The following ADARB2 variants were observed in gnomAD, a reference collection of about 807,000 sequenced individuals.
ADARB2 encodes the protein adenosine deaminase RNA specific B2 (inactive).
A neutral mutation model predicts 62.2 loss-of-function variants in ADARB2; 25 were observed. That is an observed-to-expected ratio of 0.40 (90% CI 0.29 to 0.56). The LOEUF (loss-of-function observed/expected upper bound fraction) is 0.56. ADARB2 is among the 20% of genes least tolerant of loss of function. The pLI is 0.43. For missense variants in ADARB2, 1,071 were observed against 1,077.4 expected (o/e 0.99, Z 0.08); for synonymous variants, 572 against 500.8 (o/e 1.14, Z -1.90).
intron 6 of ADARB2, among the ~76,000 whole-genome samples, chr10:1,221,955 T>C (rs890338211): frequency 6.6e-6 from 1 of 152,218 alleles, no homozygotes; most frequent in African/African-American, 2.4e-5. Flanking sequence ...CTGGGTCAAA[T>C]GGTATTTCCA....
intron 3 of ADARB2, among the ~76,000 whole-genome samples, chr10:1,312,515 G>A (rs1831701420): frequency 1.3e-5 from 2 of 152,216 alleles, no homozygotes; most frequent in Admixed American, 1.3e-4. Context: ...CGTCTCTCCT[G>A]ATTTCTCATT....
At chr10:1,713,136 G>A (rs912793248) in intron 1 of ADARB2, among the ~76,000 whole-genome samples, 10 of 152,182 alleles carry the variant, frequency 6.6e-5, no homozygotes, top group East Asian at 1.9e-4. Flanking sequence ...GACATGGGGC[G>A]CCTGGAGGGT....
intron 3 of ADARB2, among the ~76,000 whole-genome samples, chr10:1,329,657 C>T (rs1831909554): frequency 6.6e-6 from 1 of 152,212 alleles, no homozygotes. Flanking sequence ...ATTAATCCCT[C>T]CGCCTCCCTG....
chr10:1,617,567 T>G (rs1162619951), intron 1 of ADARB2, among the ~76,000 whole-genome samples: 1 of 148,064 alleles, frequency 6.8e-6, no homozygotes, highest in Non-Finnish European at 1.5e-5. Flanking sequence ...TAGATGTTTG[T>G]GTGCCTCTCC....
chr10:1,359,490 TATC>T (rs1255342966), intron 3 of ADARB2, among the ~76,000 whole-genome samples: 3 of 152,176 alleles, frequency 2.0e-5, no homozygotes, highest in Admixed American at 1.3e-4. Flanking sequence ...TTTATGAAAA[TATC>T]ATGCTTCTGA....
At chr10:1,346,415 G>A (rs1832081614) in intron 3 of ADARB2, among the ~76,000 whole-genome samples, 1 of 152,208 alleles carries the variant, frequency 6.6e-6, no homozygotes, top group Non-Finnish European at 1.5e-5. Flanking sequence ...CCAACTCTGG[G>A]GACCTGAGGT....
rs1029395748 is a variant in ADARB2 at position 1,255,764 on chromosome 10, AG to A, written c.1193-13466del. Among the ~76,000 whole-genome samples, 1 of 152,134 alleles carries A rather than the reference AG, an allele frequency of 6.6e-6. No homozygotes were observed. Among genetic ancestry groups the A allele is most frequent in the Non-Finnish European group, 1.5e-5 (1 of 68,012 alleles). On this transcript the variant is annotated intron_variant, in intron 4 of 9. Coordinates refer to ENST00000381312, the MANE Select transcript of ADARB2 (RefSeq NM_018702.4). The surrounding 1 kb of genome is among the most constrained non-coding windows in gnomAD (Gnocchi z 4.7). ...AGACAGTGTGACCTCATGAGAGTGG[AG>A]GGGATCCCTCCCAAACAGGTCACAC...
chr10:1,647,607 T>C (rs1834060320), intron 1 of ADARB2, among the ~76,000 whole-genome samples: 1 of 152,106 alleles, frequency 6.6e-6, no homozygotes, highest in African/African-American at 2.4e-5. Flanking sequence ...TATGTCTGTG[T>C]GGGGATATGT....
intron 1 of ADARB2, among the ~76,000 whole-genome samples, chr10:1,633,549 C>CATCTATCTATCTATCTATCTAT (rs1833868821): frequency 4.9e-5 from 5 of 101,610 alleles, no homozygotes; most frequent in African/African-American, 1.3e-4. Flanking sequence ...GTCTATCTAT[C>CATCTATCTATCTATCTATCTAT]ATCTATCTAT....
intron 6 of ADARB2, among the ~76,000 whole-genome samples, chr10:1,226,770 A>C (rs897926453): frequency 1.5e-4 from 23 of 152,148 alleles, no homozygotes; most frequent in African/African-American, 5.3e-4. Flanking sequence ...TTCCTCTGGA[A>C]GTTTTGTCTT....
At chr10:1,435,623 C>T (rs72762983) in intron 1 of ADARB2, among the ~76,000 whole-genome samples, 10,269 of 152,258 alleles carry the variant, frequency 0.067, 513 homozygotes, top group East Asian at 0.21. Flanking sequence ...CCTCTCTCTC[C>T]TTCCACTTCC....
chr10:1,328,312 C>T (rs939574177), intron 3 of ADARB2, among the ~76,000 whole-genome samples: 1 of 152,176 alleles, frequency 6.6e-6, no homozygotes, highest in African/African-American at 2.4e-5. Flanking sequence ...TGGCAGTTAA[C>T]AGCAGTGGAG....
At chr10:1,712,671 G>T (rs59632786) in intron 1 of ADARB2, among the ~76,000 whole-genome samples, 133,548 of 133,552 alleles carry the variant, frequency 1, 66,772 homozygotes, top group Middle Eastern at 1. Flanking sequence ...GCACTGGGCG[G>T]GATCTCGGTT....
chr10:1,619,700 T>C (rs1588326552), intron 1 of ADARB2, among the ~76,000 whole-genome samples: 1 of 152,228 alleles, frequency 6.6e-6, no homozygotes, highest in Non-Finnish European at 1.5e-5. Flanking sequence ...TCTGCCCATA[T>C]TGGCCTCCCA....
intron 1 of ADARB2, among the ~76,000 whole-genome samples, chr10:1,555,936 A>AAAAAC (rs1231149944): frequency 6.6e-6 from 1 of 152,244 alleles, no homozygotes; most frequent in East Asian, 1.9e-4. Context: ...ATCTGTCTCA[A>AAAAAC]AAAACAAAAC....
chr10:1,321,275 T>A (rs1446720697), intron 3 of ADARB2, among the ~76,000 whole-genome samples: 1 of 152,226 alleles, frequency 6.6e-6, no homozygotes, highest in Non-Finnish European at 1.5e-5. Context: ...GCCCATGATG[T>A]TGTCCTCATC....
intron 1 of ADARB2, among the ~76,000 whole-genome samples, chr10:1,471,988 A>C (rs1831328247): frequency 6.6e-6 from 1 of 152,200 alleles, no homozygotes; most frequent in South Asian, 2.1e-4. Flanking sequence ...CTACTTACAC[A>C]TCAAGTTTAT....
rs138914136 is a variant in ADARB2 at position 1,691,928 on chromosome 10, T to C, written c.100+45123A>G. 4.0e-5 allele frequency among the ~76,000 whole-genome samples: 6 copies of C among 151,764 alleles called. 1 individual carries two copies. The East Asian group carries it at 9.7e-4, about 25-fold the overall frequency. ...GTGTGTGTGTGTGTGTGTGCACGCATGCATGTATCTACTACTGGATTAATG... is the reference window on the plus strand; with the variant it reads ...GTGTGTGTGTGTGTGTGTGCACGCACGCATGTATCTACTACTGGATTAATG... On this transcript the variant is annotated intron_variant, in intron 1 of 9. Transcript: ENST00000381312.
chr10:1,300,387 A>G (rs1257796199), intron 3 of ADARB2, among the ~76,000 whole-genome samples: 2 of 151,424 alleles, frequency 1.3e-5, no homozygotes, highest in Non-Finnish European at 2.9e-5. Context: ...AGCCAGGCTG[A>G]TGCCAGCTCC....
Sources: gnomAD v4.1 joint callset for allele counts (sites outside exome capture counted in the v4.1 genomes callset) on GRCh38, gnomAD v4.1.1 for gene constraint, Gnocchi (gnomAD v3.1) non-coding constraint, MANE v1.5 for transcripts, NCBI Gene and HGNC (gene_info 2026-07-23, HGNC 2026-07-21) for gene names.